CCNY: variants seen among roughly 807,000 people sequenced by gnomAD.
CCNY encodes cyclin-Y.
A neutral mutation model predicts 42.8 loss-of-function variants in CCNY; 19 were observed. The observed-to-expected ratio is 0.44, with a 90% CI of 0.31 to 0.65. CCNY has a LOEUF of 0.65. CCNY is among the 30% of genes least tolerant of loss of function. The probability of loss-of-function intolerance (pLI) is 0.07; values close to 1 mark genes in which losing one functional copy is unlikely to be tolerated. For synonymous variants in CCNY, 165 were observed against 162.7 expected (o/e 1.01, Z -0.11); for missense variants, 370 against 437.3 (o/e 0.85, Z 1.37).
intron 1 of CCNY, among the ~76,000 whole-genome samples, chr10:35,361,996 T>G (rs1836696889): frequency 6.6e-6 from 1 of 152,208 alleles, no homozygotes; most frequent in Admixed American, 6.5e-5. Flanking sequence ...GTACACACAT[T>G]TGTTTCATGC....
intron 3 of CCNY, among the ~76,000 whole-genome samples, chr10:35,304,144 T>C (rs969880314): frequency 1.3e-5 from 2 of 152,122 alleles, no homozygotes; most frequent in African/African-American, 2.4e-5. Context: ...CTCCTGCACA[T>C]GGGGGAGCTC....
At chr10:35,418,684 A>T (rs12781305) in intron 1 of CCNY, among the ~76,000 whole-genome samples, 36 of 152,184 alleles carry the variant, frequency 2.4e-4, no homozygotes, top group Admixed American at 1.4e-3. Context: ...TAGAGCGAGC[A>T]CAGCCTAGCA....
At chr10:35,458,715 G>A (rs1299254172) in intron 1 of CCNY, among the ~76,000 whole-genome samples, 1 of 152,152 alleles carries the variant, frequency 6.6e-6, no homozygotes, top group Non-Finnish European at 1.5e-5. Context: ...GACATGTGAG[G>A]GTGTGAGCCA....
intron 1 of CCNY, among the ~76,000 whole-genome samples, chr10:35,386,909 T>G (rs749572587): frequency 9.9e-5 from 15 of 151,922 alleles, no homozygotes; most frequent in Non-Finnish European, 2.1e-4. Context: ...GCGTTGGGAG[T>G]GAAAAGCTGG....
At chr10:35,558,317 C>G (rs1265070320) in intron 8 of CCNY, among the ~76,000 whole-genome samples, 2 of 152,230 alleles carry the variant, frequency 1.3e-5, no homozygotes, top group African/African-American at 2.4e-5. Context: ...GAAGGAGAAC[C>G]TGCACACACA....
Position 35,307,760 on chromosome 10 carries a change from ATGTGTGTG to A in CCNY, c.-9+57168_-9+57175del, listed in dbSNP as rs60407989. ...TATATATACATATTGATGTGTATAT[ATGTGTGTG>A]TGTGTGTGTGTGTGTGTGTGTGTGT... is the stretch of plus-strand genomic sequence containing the variant. On this transcript the variant is annotated intron_variant, in intron 3 of 11. Transcript: ENST00000374706. Among the ~76,000 whole-genome samples, 637 of 116,154 alleles carry A rather than the reference ATGTGTGTG, an allele frequency of 5.5e-3. 13 individuals are homozygous for A. The highest frequency in any genetic ancestry group is 0.018 in the African/African-American group (522 of 28,934). 76.2% of individuals were successfully genotyped at this position (116,154 alleles called of 152,430 possible). A position where few individuals can be genotyped will look rare whatever the true frequency, so the allele number is the denominator to read the frequency against.
intron 7 of CCNY, among the ~76,000 whole-genome samples, chr10:35,549,710 A>G (rs1487536983): frequency 7.0e-6 from 1 of 142,850 alleles, no homozygotes; most frequent in Non-Finnish European, 1.5e-5. Context: ...GTGACCCTAC[A>G]CTGCTTGTGA....
chr10:35,376,768 AT>A (rs1464510749), intron 1 of CCNY, among the ~76,000 whole-genome samples: 3 of 152,216 alleles, frequency 2.0e-5, no homozygotes, highest in Non-Finnish European at 4.4e-5. Flanking sequence ...CCTTTAAAAC[AT>A]TATGGTAGGT....
At chr10:35,250,987 A>G (rs755550068) in intron 3 of CCNY, 18 of 152,342 alleles carry the variant, frequency 1.2e-4, no homozygotes, top group African/African-American at 4.1e-4. Context: ...ATGAATTTGC[A>G]TGTCATCCTT....
chr10:35,406,109 C>T (rs1007768315), intron 1 of CCNY, among the ~76,000 whole-genome samples: 6 of 151,548 alleles, frequency 4.0e-5, no homozygotes, highest in Non-Finnish European at 7.4e-5. Context: ...TATTACTGTA[C>T]ACCTTGAAAG....
At position 35,544,073 on chromosome 10, in the gene CCNY, T is replaced by G. The variant is rs144326533; in HGVS notation, c.580-8946T>G. Among the ~76,000 whole-genome samples the G allele has an allele frequency of 1.6e-3, 240 of 152,370 alleles. 1 individual carries two copies. Among genetic ancestry groups the G allele is most frequent in the African/African-American group, 5.6e-3 (232 of 41,590 alleles). On this transcript the variant is annotated intron_variant, in intron 7 of 9. Transcript: ENST00000374704. ...AAAAAATTTTTAAAGTTTATAAAGT[T>G]ATAGTAAGCTAAGTTTAATTTATTA...
At chr10:35,511,904 A>G (rs766059357) in intron 3 of CCNY, among the ~76,000 whole-genome samples, 1 of 152,248 alleles carries the variant, frequency 6.6e-6, no homozygotes, top group East Asian at 1.9e-4. Context: ...CGTCAGAACC[A>G]TCTAGGCAGG....
intron 4 of CCNY, 103 bp from the exon 5 acceptor site, chr10:35,525,861 C>G: frequency 1.0e-6 from 1 of 1,003,628 alleles, no homozygotes; most frequent in East Asian, 2.5e-5. Flanking sequence ...GATTGTTAGA[C>G]TTTTACTTCT....
At chr10:35,361,234 AC>A (rs1836679115) in intron 1 of CCNY, among the ~76,000 whole-genome samples, 7 of 152,210 alleles carry the variant, frequency 4.6e-5, no homozygotes, top group Admixed American at 4.6e-4. Context: ...TTACATATAT[AC>A]CTGTGGATGT....
chr10:35,382,170 G>A (rs1837200658), intron 1 of CCNY, among the ~76,000 whole-genome samples: 1 of 152,204 alleles, frequency 6.6e-6, no homozygotes. Flanking sequence ...TCTTTCATAT[G>A]TGCAACTGGA....
At chr10:35,516,332 A>G (rs760874612) in intron 3 of CCNY, among the ~76,000 whole-genome samples, 191 bp from the exon 4 acceptor site, 7 of 151,924 alleles carry the variant, frequency 4.6e-5, no homozygotes, top group Non-Finnish European at 8.8e-5. Context: ...GGTGACTTTT[A>G]TATATGGAAG....
chr10:35,445,391 G>C (rs995572714), intron 1 of CCNY, among the ~76,000 whole-genome samples: 1 of 152,190 alleles, frequency 6.6e-6, no homozygotes, highest in Non-Finnish European at 1.5e-5. Flanking sequence ...GCACTGGAAG[G>C]CTGACAGGAA....
intron 2 of CCNY, among the ~76,000 whole-genome samples, chr10:35,486,776 T>G (rs1241807114): frequency 1.3e-5 from 2 of 152,240 alleles, no homozygotes; most frequent in African/African-American, 4.8e-5. Flanking sequence ...CTGAATCACT[T>G]GCTTCCTCAA....
chr10:35,508,898 G>A (rs1840266376), intron 3 of CCNY, among the ~76,000 whole-genome samples: 1 of 152,038 alleles, frequency 6.6e-6, no homozygotes, highest in East Asian at 1.9e-4. Context: ...GTACCCATTA[G>A]CAGTCATTCC....
Sources: allele counts gnomAD v4.1 joint callset (sites outside exome capture counted in the v4.1 genomes callset), GRCh38; gene constraint gnomAD v4.1.1; transcripts MANE v1.5; gene names NCBI Gene and HGNC (gene_info 2026-07-23, HGNC 2026-07-21).